Variants in LRBA observed in about 807,000 individuals in gnomAD.
LRBA encodes LPS responsive beige-like anchor protein, also known as lipopolysaccharide-responsive and beige-like anchor protein.
Under a neutral mutation model 330.0 loss-of-function variants are expected in LRBA, and 176 were observed. The ratio of observed to expected loss-of-function variants is 0.53; its 90% confidence interval spans 0.47 to 0.60. The LOEUF (loss-of-function observed/expected upper bound fraction) is 0.60. Ranked by LOEUF, LRBA falls within the 20% of genes least tolerant of loss-of-function variation. LRBA has a pLI of 0.00. For missense variants in LRBA, 3,259 were observed against 3,444.8 expected (o/e 0.95, Z 1.35); for synonymous variants, 1,230 against 1,193.0 (o/e 1.03, Z -0.64).
chr4:150,913,435 C>T (rs1158906726), intron 9 of LRBA, among the ~76,000 whole-genome samples: 1 of 152,098 alleles, frequency 6.6e-6, no homozygotes, highest in Non-Finnish European at 1.5e-5. Context: ...CCATTGCACT[C>T]CAGCCTGGGC....
chr4:150,805,605 AGAAAGGAAAG>A (rs138624886), intron 33 of LRBA, among the ~76,000 whole-genome samples: 2 of 64,042 alleles, frequency 3.1e-5, no homozygotes, highest in African/African-American at 1.3e-4. Context: ...GGAAAGGAAA[AGAAAGGAAAG>A]GAAAGGAAAG....
intron 2 of LRBA, among the ~76,000 whole-genome samples, chr4:150,968,002 C>CTTTT (rs35023986): frequency 4.0e-5 from 5 of 126,078 alleles, no homozygotes; most frequent in Non-Finnish European, 5.0e-5. Context: ...ATTTGCACAT[C>CTTTT]TTTTTTTTTT....
intron 37 of LRBA, among the ~76,000 whole-genome samples, chr4:150,638,461 G>A (rs1778152293): frequency 6.6e-6 from 1 of 151,994 alleles, no homozygotes; most frequent in Admixed American, 6.5e-5. Flanking sequence ...TATTTATGAG[G>A]GACCTCATTT....
At chr4:150,999,391 A>C (rs1579450066) in intron 2 of LRBA, among the ~76,000 whole-genome samples, 1 of 152,110 alleles carries the variant, frequency 6.6e-6, no homozygotes, top group East Asian at 1.9e-4. Context: ...TGGCACAGGA[A>C]ATTACAAATA....
rs746592001 is a variant in LRBA at position 150,852,274 on chromosome 4, C to A, written c.3436G>T (p.Asp1146Tyr). Residue 1146 changes from aspartate (D) to tyrosine (Y), a missense_variant, in exon 23 of 57, where the codon GAC becomes TAC. Physicochemically the swap from Asp to Tyr is radical, Grantham distance 160 (BLOSUM62 -3). Transcript: ENST00000651943. ...AATTTGTCATCATTACCAAACATGT[C>A]CAGTTTTTCACCGGCTTCAGATGCA... ...PAASEAGEKL[D>Y]MFGNDDKLIF... 3.1e-6 allele frequency: 5 copies of A among 1,614,112 alleles called. No individual in the cohort carries two copies. The Admixed American group carries it at 8.3e-5, about 27-fold the overall frequency.
intron 17 of LRBA, among the ~76,000 whole-genome samples, chr4:150,891,149 T>C (rs1729419115): frequency 6.6e-6 from 1 of 152,224 alleles, no homozygotes; most frequent in African/African-American, 2.4e-5. Flanking sequence ...CCTCGTTTGT[T>C]TTGTGTTAAT....
chr4:150,350,269 T>G, intron 47 of LRBA, 110 bp from the exon 48 acceptor site: 1 of 918,010 alleles, frequency 1.1e-6, no homozygotes, highest in Non-Finnish European at 1.6e-6. Context: ...TGAACAAAGA[T>G]TTTTAAAAAA....
At chr4:150,757,874 G>A (rs1323605735) in intron 35 of LRBA, among the ~76,000 whole-genome samples, 1 of 152,118 alleles carries the variant, frequency 6.6e-6, no homozygotes, top group Non-Finnish European at 1.5e-5. Flanking sequence ...AAGGCTGAGT[G>A]TTCTCTATAG....
intron 47 of LRBA, among the ~76,000 whole-genome samples, chr4:150,380,979 T>C (rs1405466628): frequency 4.3e-5 from 2 of 46,196 alleles, no homozygotes; most frequent in Non-Finnish European, 8.6e-5. Context: ...CGAAACTCCA[T>C]CTCAAAAAAA....
chr4:150,998,981 G>T (rs894206357), intron 2 of LRBA, among the ~76,000 whole-genome samples: 1 of 152,092 alleles, frequency 6.6e-6, no homozygotes, highest in African/African-American at 2.4e-5. Flanking sequence ...TCATCACTTC[G>T]TTATACCTTA....
intron 30 of LRBA, among the ~76,000 whole-genome samples, chr4:150,825,857 G>C (rs930318014): frequency 6.6e-6 from 1 of 152,126 alleles, no homozygotes; most frequent in Non-Finnish European, 1.5e-5. Context: ...ACTGTAGATT[G>C]AGGTCTGTAG....
chr4:150,620,895 G>T (rs1422697735), intron 37 of LRBA, among the ~76,000 whole-genome samples: 1 of 151,966 alleles, frequency 6.6e-6, no homozygotes, highest in Non-Finnish European at 1.5e-5. Context: ...TAAAATCTCA[G>T]ACTTCACCTC....
intron 2 of LRBA, among the ~76,000 whole-genome samples, chr4:151,007,239 C>T (rs544009090): frequency 6.6e-6 from 1 of 152,264 alleles, no homozygotes; most frequent in South Asian, 2.1e-4. Flanking sequence ...CAGTGGCTCA[C>T]GCCTGTAATC....
At chr4:150,645,679 T>C (rs968047027) in intron 37 of LRBA, among the ~76,000 whole-genome samples, 64 of 152,054 alleles carry the variant, frequency 4.2e-4, no homozygotes, top group African/African-American at 1.5e-3. Context: ...AACAATTATA[T>C]AAATGCCTTC....
At chr4:150,728,592 T>TA (rs1184805111) in intron 36 of LRBA, among the ~76,000 whole-genome samples, 2 of 148,892 alleles carry the variant, frequency 1.3e-5, no homozygotes, top group Non-Finnish European at 3.0e-5. Flanking sequence ...GAATGAAGGA[T>TA]AAAAAAATGA....
At chr4:151,000,740 C>G (rs1237125491) in intron 2 of LRBA, among the ~76,000 whole-genome samples, 6 of 152,234 alleles carry the variant, frequency 3.9e-5, no homozygotes, top group South Asian at 2.1e-4. Flanking sequence ...CTAGAGGCAT[C>G]TCCTACTTGC....
At chr4:150,793,912 G>C (rs1740370448) in intron 34 of LRBA, among the ~76,000 whole-genome samples, 1 of 152,104 alleles carries the variant, frequency 6.6e-6, no homozygotes, top group Non-Finnish European at 1.5e-5. Context: ...ATAGCATCTA[G>C]AAAACAAAGA....
chr4:150,922,393 G>GGT (rs1029323938), intron 4 of LRBA, among the ~76,000 whole-genome samples: 9 of 36,888 alleles, frequency 2.4e-4, no homozygotes, highest in African/African-American at 5.7e-4. Flanking sequence ...AAGAAACTGT[G>GGT]GTATATATAT....
At chr4:150,914,797 T>C (rs1300689581) in intron 8 of LRBA, among the ~76,000 whole-genome samples, 1 of 152,164 alleles carries the variant, frequency 6.6e-6, no homozygotes, top group Non-Finnish European at 1.5e-5. Context: ...AGCCCTTTTT[T>C]GTACTAAAAA....
Sources: gnomAD v4.1 joint callset for allele counts (sites outside exome capture counted in the v4.1 genomes callset) on GRCh38, gnomAD v4.1.1 for gene constraint, MANE v1.5 for transcripts, NCBI Gene and HGNC (gene_info 2026-07-23, HGNC 2026-07-21) for gene names.